Variants in PDE4D observed in about 807,000 individuals in gnomAD.
PDE4D encodes phosphodiesterase 4D.
PDE4D carries 24 observed loss-of-function variants against 87.4 expected under a neutral mutation model. That is an observed-to-expected ratio of 0.27 (90% CI 0.20 to 0.39). PDE4D has a LOEUF of 0.39. PDE4D is among the 10% of genes least tolerant of loss of function. The pLI is 1.00. For synonymous variants in PDE4D, 384 were observed against 383.2 expected (o/e 1.00, Z -0.02); for missense variants, 714 against 1,041.0 (o/e 0.69, Z 4.32).
chr5:60,458,979 TTGTGTG>T (rs56310406), intron 1 of PDE4D, among the ~76,000 whole-genome samples: 3 of 148,590 alleles, frequency 2.0e-5, no homozygotes, highest in African/African-American at 7.4e-5. Context: ...TGGTATAAGT[TTGTGTG>T]TGTGTGTGTG....
chr5:59,830,815 A>T (rs2152697202), intron 1 of PDE4D, among the ~76,000 whole-genome samples: 1 of 152,240 alleles, frequency 6.6e-6, no homozygotes, highest in South Asian at 2.1e-4. Context: ...AATTGGGTTC[A>T]AGTTTCAGTT....
chr5:59,828,864 T>C (rs918788501), intron 1 of PDE4D, among the ~76,000 whole-genome samples: 2 of 152,050 alleles, frequency 1.3e-5, no homozygotes, highest in Non-Finnish European at 2.9e-5. Context: ...GACCGGCAGG[T>C]AGGCCTCCTT....
At chr5:60,038,246 T>C (rs1768038471) in intron 2 of PDE4D, among the ~76,000 whole-genome samples, 1 of 152,246 alleles carries the variant, frequency 6.6e-6, no homozygotes, top group African/African-American at 2.4e-5. Context: ...TCTAGGGTTT[T>C]TACGGTTTTA....
At chr5:59,880,243 C>G (rs1394451202) in intron 1 of PDE4D, among the ~76,000 whole-genome samples, 2 of 151,346 alleles carry the variant, frequency 1.3e-5, no homozygotes, top group East Asian at 3.9e-4. Context: ...GTAGGTGGGA[C>G]CAATCAGAGG....
intron 1 of PDE4D, among the ~76,000 whole-genome samples, chr5:59,256,683 C>T (rs1375800323): frequency 2.6e-5 from 4 of 152,124 alleles, no homozygotes; most frequent in African/African-American, 9.6e-5. Flanking sequence ...TCCTTCCCTC[C>T]ACTCTCCCTG....
chr5:59,278,819 A>G (rs1301051513), intron 1 of PDE4D, among the ~76,000 whole-genome samples: 1 of 152,112 alleles, frequency 6.6e-6, no homozygotes, highest in Non-Finnish European at 1.5e-5. Flanking sequence ...CATACCACTA[A>G]TGGTGCCCCG....
chr5:60,279,827 A>G (rs1222308114), intron 1 of PDE4D, among the ~76,000 whole-genome samples: 5 of 151,874 alleles, frequency 3.3e-5, no homozygotes. Context: ...GACTACAGAC[A>G]CTGCCACGAT....
chr5:60,339,909 T>C (rs78560550), intron 1 of PDE4D, among the ~76,000 whole-genome samples: 3,181 of 152,372 alleles, frequency 0.021, 53 homozygotes, highest in Non-Finnish European at 0.032. Flanking sequence ...GTTGGAAATG[T>C]GCCGCTTTTA....
At chr5:60,328,617 G>T (rs1050052495) in intron 1 of PDE4D, among the ~76,000 whole-genome samples, 2 of 152,096 alleles carry the variant, frequency 1.3e-5, no homozygotes, top group African/African-American at 4.8e-5. Context: ...AATAATGCTG[G>T]TATAAAGATT....
Position 60,122,405 on chromosome 5 carries a change from A to T in PDE4D, c.42+63152T>A, listed in dbSNP as rs529414258. ...TCTGCCTGGGCATCCAGGCATTTCC[A>T]TACATCTTCTGAAATATAGGCGGAG... is the stretch of plus-strand genomic sequence containing the variant. On this transcript the variant is annotated intron_variant, in intron 2 of 16. Transcript: ENST00000502484. Among the ~76,000 whole-genome samples, 10 of 152,290 alleles carry T rather than the reference A, an allele frequency of 6.6e-5. No homozygotes were observed. The South Asian group carries it at 2.1e-3, about 32-fold the overall frequency.
intron 1 of PDE4D, among the ~76,000 whole-genome samples, chr5:59,629,526 A>C (rs762159154): frequency 2.0e-5 from 3 of 152,130 alleles, no homozygotes; most frequent in African/African-American, 7.2e-5. Flanking sequence ...GGCCATCTAC[A>C]AGCTAAGAAA....
intron 2 of PDE4D, among the ~76,000 whole-genome samples, chr5:60,058,120 A>C (rs1562037540): frequency 6.6e-6 from 1 of 151,976 alleles, no homozygotes; most frequent in Non-Finnish European, 1.5e-5. Flanking sequence ...AACACTTTTT[A>C]AAATGGTGGG....
chr5:59,333,098 T>C (rs1777027443), intron 1 of PDE4D, among the ~76,000 whole-genome samples: 1 of 152,230 alleles, frequency 6.6e-6, no homozygotes, highest in African/African-American at 2.4e-5. Context: ...TGTTGGCAGT[T>C]TGAGTTTTCC....
chr5:59,370,191 T>C (rs1783732880), intron 1 of PDE4D, among the ~76,000 whole-genome samples: 1 of 152,176 alleles, frequency 6.6e-6, no homozygotes, highest in Non-Finnish European at 1.5e-5. Context: ...TTGCTCCTAC[T>C]CTATTCTTCA....
intron 1 of PDE4D, among the ~76,000 whole-genome samples, chr5:59,649,904 C>CTTGTTTTTTTTTTTTTTTTTTTTTTT (rs1561402852): frequency 1.4e-5 from 1 of 73,958 alleles, no homozygotes; most frequent in African/African-American, 5.2e-5. Flanking sequence ...AGTTTGTGAA[C>CTTGTTTTTTTTTTTTTTTTTTTTTTT]CTTTTTTTTT....
rs111908134 is a variant in PDE4D, at chr5:60,198,968, A to C, written c.-89-13281T>G. Among the ~76,000 whole-genome samples the C allele has an allele frequency of 1.5e-3, 225 of 151,818 alleles. 12 individuals carry two copies. The highest frequency in any genetic ancestry group is 2.6e-3 in the Non-Finnish European group (178 of 67,794). On this transcript the variant is annotated intron_variant, in intron 1 of 16. Transcript: ENST00000502484. ...AGAAGCCTGTACTAATTCTAGAGAC[A>C]CTCAATTATAGTACAAGATTTAACC...
chr5:59,156,909 T>C (rs1306226464), intron 5 of PDE4D, among the ~76,000 whole-genome samples: 1 of 151,900 alleles, frequency 6.6e-6, no homozygotes, highest in Non-Finnish European at 1.5e-5. Context: ...GCAGGGCACA[T>C]ACTTTATAGT....
chr5:59,703,670 A>G (rs779684016), intron 1 of PDE4D: 2 of 524,266 alleles, frequency 3.8e-6, no homozygotes, highest in Admixed American at 4.0e-5. Context: ...TAGATTAGTA[A>G]CTGGTTGAAC....
chr5:60,386,643 C>A (rs1347932640), intron 1 of PDE4D, among the ~76,000 whole-genome samples: 4 of 152,220 alleles, frequency 2.6e-5, no homozygotes, highest in African/African-American at 9.7e-5. Context: ...CATGAACTTT[C>A]ACTGGATCCA....
Sources: gnomAD v4.1 joint callset for allele counts (sites outside exome capture counted in the v4.1 genomes callset) on GRCh38, gnomAD v4.1.1 for gene constraint, MANE v1.5 for transcripts, NCBI Gene and HGNC (gene_info 2026-07-23, HGNC 2026-07-21) for gene names.